The following LDB3 variants were observed in gnomAD, a reference collection of about 807,000 sequenced individuals.
LDB3 encodes the protein LIM domain-binding protein 3.
In LDB3, 49 loss-of-function variants were observed where a neutral mutation model predicts 69.0. That is an observed-to-expected ratio of 0.71 (90% confidence interval 0.56 to 0.90). The LOEUF is 0.90. Ranked by LOEUF, LDB3 falls within the 40% of genes least tolerant of loss-of-function variation. LDB3 has a pLI of 0.00. For synonymous variants in LDB3, 387 were observed against 396.2 expected, an observed-to-expected ratio of 0.98 and a Z score of 0.28; for missense variants, 928 against 974.1, an observed-to-expected ratio of 0.95 and a Z score of 0.63.
At chr10:86,720,114 C>A (rs1447578396) in intron 12 of LDB3, among the ~76,000 whole-genome samples, 2 of 152,142 alleles carry the variant, frequency 1.3e-5, no homozygotes, top group East Asian at 3.8e-4. Flanking sequence ...AAAAGCAAAA[C>A]AAAATAAAAC....
At chr10:86,696,459 G>T (rs1021394349) in intron 7 of LDB3, among the ~76,000 whole-genome samples, 1 of 152,146 alleles carries the variant, frequency 6.6e-6, no homozygotes, top group Non-Finnish European at 1.5e-5. Context: ...TTGCTCTCCT[G>T]TCTCTTTTCC....
At chr10:86,668,375 A>C, upstream of LDB3, 1 of 439,914 alleles carries the variant, frequency 2.3e-6, no homozygotes, top group Non-Finnish European at 4.3e-6. Context: ...ACCCCTCCCC[A>C]GGGGCTATAT....
upstream of LDB3, among the ~76,000 whole-genome samples, chr10:86,667,504 T>C (rs551921523): frequency 6.6e-6 from 1 of 152,288 alleles, no homozygotes; most frequent in South Asian, 2.1e-4. Context: ...ACACACTGTC[T>C]CTGGGGTACA....
intron 7 of LDB3, among the ~76,000 whole-genome samples, chr10:86,695,746 A>G (rs1224296011): frequency 6.6e-6 from 1 of 152,158 alleles, no homozygotes; most frequent in Non-Finnish European, 1.5e-5. Context: ...AAGGCATTCC[A>G]GGGCCCTGAT....
Position 86,716,198 on chromosome 10 carries a change from C to CA in LDB3, c.1232-122dup, listed in dbSNP as rs1430801010. ...TCAAGAAGTTCAGGAACAAGTCTCC[C>CA]AAAAAAACTGAAATTGTACTGCTCT... is the stretch of plus-strand genomic sequence containing the variant. On this transcript the variant is annotated intron_variant, in intron 9 of 13. Transcript: ENST00000361373. 7.1e-6 allele frequency: 8 copies of CA among 1,129,872 alleles called. No homozygotes were observed. The African/African-American group carries it at 7.6e-5, about 11-fold the overall frequency. The allele number at this position is 1,129,872 out of a possible 1,614,324, so 70.0% of individuals were successfully genotyped here.
chr10:86,705,305 G>C (rs1050371652), intron 7 of LDB3, among the ~76,000 whole-genome samples: 17 of 152,158 alleles, frequency 1.1e-4, no homozygotes, highest in African/African-American at 3.9e-4. Context: ...ACATCAGAGG[G>C]CTGCTGTGAG....
intron 13 of LDB3, among the ~76,000 whole-genome samples, chr10:86,727,017 ATTTTTTT>A (rs35394356): frequency 9.4e-5 from 13 of 138,146 alleles, no homozygotes; most frequent in African/African-American, 3.5e-4. Context: ...CGATTTGAGA[ATTTTTTT>A]TTTTTTTTTT....
At chr10:86,687,373 C>A in intron 5 of LDB3, 2 of 1,182,680 alleles carry the variant, frequency 1.7e-6, no homozygotes, top group Non-Finnish European at 2.5e-6. Flanking sequence ...TCACGTTGGA[C>A]CTCCTGGAGG....
chr10:86,718,847 G>T lies in LDB3; in HGVS notation c.1978G>T (p.Asp660Tyr), dbSNP rs1442071380. 1 of 1,614,050 alleles carries T rather than the reference G, an allele frequency of 6.2e-7. No homozygotes were observed. The highest frequency in any genetic ancestry group is 8.5e-7 in the Non-Finnish European group (1 of 1,179,992). The change falls in exon 12 of 14, where the codon GAC becomes TAC. Residue 660 changes from aspartate (D) to tyrosine (Y), a missense_variant and splice_region_variant. Transcript: ENST00000361373. The stretch of plus-strand genomic sequence containing the variant: ...AGACGGGGAGCCCTACTGCGAGAAA[G>T]GTAGGAACACTTCGATGGCATGTGG... ...MEDGEPYCEK[D>Y]YINLFSTKCH...
At position 86,709,998 on chromosome 10, in the gene LDB3, C is replaced by T; in HGVS notation, c.1179C>T (p.Pro393=). Residue 393 remains proline (P), a synonymous_variant, in exon 9 of 14, where the codon CCC becomes CCT. Coordinates refer to ENST00000361373, the MANE Select transcript of LDB3 (RefSeq NM_007078.3). ...GTGAGGGCCCCGCCGCCCCTGCACC[C>T]AAGCCCCGGGTTGTCACCACTGCCA... The part of the protein sequence containing the change: ...SYSEGPAAPA[P]KPRVVTTASI... 2 of 1,613,306 alleles carry T rather than the reference C, an allele frequency of 1.2e-6. No individual in the cohort carries two copies. Among genetic ancestry groups the T allele is most frequent in the Non-Finnish European group, 8.5e-7 (1 of 1,180,018 alleles).
At chr10:86,707,990 A>C (rs1329904732) in intron 8 of LDB3, among the ~76,000 whole-genome samples, 1 of 152,240 alleles carries the variant, frequency 6.6e-6, no homozygotes, top group Non-Finnish European at 1.5e-5. Context: ...GAGTGGGAAG[A>C]AGCCTCCCAA....
chr10:86,725,003 G>A (rs972722241), intron 12 of LDB3, among the ~76,000 whole-genome samples: 3 of 152,178 alleles, frequency 2.0e-5, no homozygotes, highest in African/African-American at 7.2e-5. Flanking sequence ...AACCCCCATG[G>A]CACACTGGCA....
intron 7 of LDB3, among the ~76,000 whole-genome samples, chr10:86,703,262 G>A (rs536779864): frequency 5.3e-5 from 8 of 152,288 alleles, no homozygotes; most frequent in East Asian, 1.9e-4. Flanking sequence ...AGCCTGAGCC[G>A]TCCCAGGCCA....
At chr10:86,682,549 G>A (rs1845220811) in intron 5 of LDB3, among the ~76,000 whole-genome samples, 2 of 152,166 alleles carry the variant, frequency 1.3e-5, no homozygotes, top group Non-Finnish European at 2.9e-5. Context: ...CTGGGCCTGT[G>A]TTAGCTCTGA....
chr10:86,711,996 C>T (rs1180826685), intron 9 of LDB3, among the ~76,000 whole-genome samples: 1 of 152,146 alleles, frequency 6.6e-6, no homozygotes, highest in African/African-American at 2.4e-5. Flanking sequence ...AATTCCGTCA[C>T]GCAAAAATAG....
intron 11 of LDB3, 45 bp from the exon 12 acceptor site, chr10:86,718,682 G>T (rs765555585): frequency 3.1e-6 from 5 of 1,613,764 alleles, no homozygotes; most frequent in South Asian, 1.1e-5. Context: ...AGTCAAGCCC[G>T]CTCCCTCTCT....
chr10:86,671,140 G>A (rs760864840), intron 2 of LDB3, among the ~76,000 whole-genome samples: 15 of 152,178 alleles, frequency 9.9e-5, no homozygotes, highest in South Asian at 2.1e-4. Flanking sequence ...GCAGGCAGGC[G>A]AGGCTGGGAT....
intron 4 of LDB3, among the ~76,000 whole-genome samples, chr10:86,680,923 G>A (rs920015556): frequency 1.6e-4 from 25 of 152,226 alleles, no homozygotes; most frequent in South Asian, 2.1e-4. Flanking sequence ...GTGGGTGGAG[G>A]GCTGCTTGGG....
intron 5 of LDB3, among the ~76,000 whole-genome samples, chr10:86,688,813 G>C (rs78534850): frequency 0.024 from 3,654 of 152,300 alleles, 142 homozygotes; most frequent in African/African-American, 0.079. Flanking sequence ...CTAACTTTCT[G>C]TTTTCTGCAC....
Sources: allele counts gnomAD v4.1 joint callset (sites outside exome capture counted in the v4.1 genomes callset), GRCh38; gene constraint gnomAD v4.1.1; transcripts MANE v1.5; gene names NCBI Gene and HGNC (gene_info 2026-07-23, HGNC 2026-07-21).